Variants in CTNNA3 observed in about 807,000 individuals in gnomAD.
CTNNA3 encodes catenin alpha-3.
Under a neutral mutation model 95.7 loss-of-function variants are expected in CTNNA3, and 76 were observed. That is an observed-to-expected ratio of 0.79 (90% CI 0.66 to 0.96). The LOEUF is 0.96. Ranked by LOEUF, CTNNA3 falls within the 40% of genes least tolerant of loss-of-function variation. The pLI, the probability that CTNNA3 is intolerant of heterozygous loss-of-function variation, is 0.00. For missense variants in CTNNA3, 1,191 were observed against 1,089.8 expected (o/e 1.09, Z -1.31); for synonymous variants, 431 against 374.4 (o/e 1.15, Z -1.74).
At chr10:66,269,432 C>A (rs2091229804) in intron 13 of CTNNA3, among the ~76,000 whole-genome samples, 1 of 152,020 alleles carries the variant, frequency 6.6e-6, no homozygotes, top group Admixed American at 6.6e-5. Flanking sequence ...ATAAAAATCC[C>A]TGGTTTTATT....
In CTNNA3 at chr10:66,384,282, G is replaced by T. The variant is rs149517769; in HGVS notation, c.1532-4930C>A. 5.5e-3 allele frequency among the ~76,000 whole-genome samples: 832 copies of T among 152,164 alleles called. 9 individuals are homozygous for T. The highest frequency in any genetic ancestry group is 8.8e-3 in the Non-Finnish European group (597 of 67,982). On this transcript the variant is annotated intron_variant, in intron 11 of 17. Coordinates refer to ENST00000433211, the MANE Select transcript of CTNNA3 (RefSeq NM_013266.4). ...CCAAGCAAATGGAAAACAAAAAAAA[G>T]CAGGGGTTGCAATCCTAGTCTCTGA...
At chr10:66,739,025 A>G (rs766486827) in intron 9 of CTNNA3, among the ~76,000 whole-genome samples, 1 of 152,164 alleles carries the variant, frequency 6.6e-6, no homozygotes, top group Non-Finnish European at 1.5e-5. Context: ...AGGATACAAA[A>G]TAAATTTCAG....
chr10:67,166,438 A>G (rs1012196595), intron 7 of CTNNA3, among the ~76,000 whole-genome samples: 2 of 152,136 alleles, frequency 1.3e-5, no homozygotes, highest in Non-Finnish European at 2.9e-5. Context: ...GATCTCTGTT[A>G]TAAGTGTTTA....
intron 11 of CTNNA3, among the ~76,000 whole-genome samples, chr10:66,501,760 T>G (rs1840285210): frequency 6.6e-6 from 1 of 152,134 alleles, no homozygotes; most frequent in African/African-American, 2.4e-5. Context: ...CTGAGGGAGA[T>G]TCTGATTATT....
At chr10:66,380,791 A>C (rs1250313100) in intron 11 of CTNNA3, among the ~76,000 whole-genome samples, 1 of 152,024 alleles carries the variant, frequency 6.6e-6, no homozygotes, top group Non-Finnish European at 1.5e-5. Context: ...TTTTAAAGAA[A>C]TAGTCATTAA....
intron 5 of CTNNA3, among the ~76,000 whole-genome samples, chr10:67,434,725 C>T (rs1006740742): frequency 1.3e-5 from 2 of 151,990 alleles, no homozygotes; most frequent in African/African-American, 2.4e-5. Flanking sequence ...AAAGCTGAAA[C>T]CTATAAGGAA....
intron 12 of CTNNA3, among the ~76,000 whole-genome samples, chr10:66,327,194 A>G (rs1342426741): frequency 6.6e-6 from 1 of 152,106 alleles, no homozygotes; most frequent in Non-Finnish European, 1.5e-5. Context: ...ATTTGATTGC[A>G]AAGTAACAGT....
At chr10:66,793,243 G>T (rs182012859) in intron 7 of CTNNA3, among the ~76,000 whole-genome samples, 41 of 152,196 alleles carry the variant, frequency 2.7e-4, no homozygotes, top group Admixed American at 2.4e-3. Context: ...CCAGGTGCAG[G>T]TGATCCTCCC....
At chr10:67,151,336 T>TA (rs11376698) in intron 7 of CTNNA3, among the ~76,000 whole-genome samples, 85,647 of 150,914 alleles carry the variant, frequency 0.57, 24,645 homozygotes, top group African/African-American at 0.67. Context: ...TTACAGTGAA[T>TA]AAAAAAAAAT....
intron 7 of CTNNA3, among the ~76,000 whole-genome samples, chr10:66,872,671 AAAT>A (rs35006931): frequency 4.1e-5 from 6 of 145,490 alleles, no homozygotes; most frequent in Non-Finnish European, 6.0e-5. Flanking sequence ...CCCGTCTCAA[AAAT>A]AATAATAATA....
chr10:67,073,172 C>T (rs1479890189), intron 7 of CTNNA3, among the ~76,000 whole-genome samples: 1 of 152,116 alleles, frequency 6.6e-6, no homozygotes, highest in Non-Finnish European at 1.5e-5. Context: ...TTCCACAGCT[C>T]TAGGAACTAT....
intron 7 of CTNNA3, among the ~76,000 whole-genome samples, chr10:67,170,092 A>G (rs1861950271): frequency 6.6e-6 from 1 of 152,178 alleles, no homozygotes; most frequent in African/African-American, 2.4e-5. Flanking sequence ...ACCAGTCAAA[A>G]TGGCTATTAC....
rs115099084 is a variant in CTNNA3, at chr10:66,246,660, A to T, written c.1884+33810T>A. Among the ~76,000 whole-genome samples the T allele has an allele frequency of 1.7e-3, 251 of 149,140 alleles. 1 individual carries two copies. The highest frequency in any genetic ancestry group is 5.3e-3 in the African/African-American group (213 of 40,518). ...GATGATTTTAACAGAGACTGAAATT[A>T]AAAAAAAAAGCAGAAATTCTAGAGT... On this transcript the variant is annotated intron_variant, in intron 13 of 17. Transcript: ENST00000433211.
At chr10:67,556,384 T>C (rs1402508354) in intron 3 of CTNNA3, among the ~76,000 whole-genome samples, 2 of 152,246 alleles carry the variant, frequency 1.3e-5, no homozygotes, top group Non-Finnish European at 2.9e-5. Context: ...CATCTGGTCC[T>C]GGAATTTTTT....
chr10:66,009,501 A>C (rs1041696370), intron 15 of CTNNA3, among the ~76,000 whole-genome samples: 1 of 152,086 alleles, frequency 6.6e-6, no homozygotes, highest in African/African-American at 2.4e-5. Context: ...GGAAGGCTAC[A>C]ATGTTTACGT....
chr10:66,721,793 C>T (rs10997359), intron 9 of CTNNA3, among the ~76,000 whole-genome samples: 3,681 of 152,272 alleles, frequency 0.024, 186 homozygotes, highest in East Asian at 0.22. Context: ...CTCTTACTTA[C>T]TGAATTCCCA....
intron 7 of CTNNA3, among the ~76,000 whole-genome samples, chr10:66,784,624 C>T (rs2394305): frequency 0.67 from 102,194 of 151,980 alleles, 34,941 homozygotes; most frequent in East Asian, 1. Context: ...CATTAAAAAA[C>T]TTTAGCTTTA....
At chr10:67,712,481 C>G (rs937823781) in intron 1 of CTNNA3, among the ~76,000 whole-genome samples, 2 of 152,190 alleles carry the variant, frequency 1.3e-5, no homozygotes, top group Admixed American at 6.5e-5. Flanking sequence ...GCCCAGGGTC[C>G]CCGTGCTGTG....
chr10:66,777,799 G>GCACA (rs111611061), intron 7 of CTNNA3, among the ~76,000 whole-genome samples: 12,629 of 137,968 alleles, frequency 0.092, 683 homozygotes, highest in East Asian at 0.22. Context: ...ACACACACAT[G>GCACA]CACACACACA....
Sources: gnomAD v4.1 joint callset for allele counts (sites outside exome capture counted in the v4.1 genomes callset) on GRCh38, gnomAD v4.1.1 for gene constraint, MANE v1.5 for transcripts, NCBI Gene and HGNC (gene_info 2026-07-23, HGNC 2026-07-21) for gene names.